Variants in PTPRS observed in about 807,000 individuals in gnomAD.
PTPRS encodes the protein protein tyrosine phosphatase receptor type S.
In PTPRS, 63 loss-of-function variants were observed where a neutral mutation model predicts 215.3. The ratio of observed to expected loss-of-function variants is 0.29; its 90% CI spans 0.24 to 0.36. The LOEUF is 0.36. Ranked by LOEUF, PTPRS falls within the 10% of genes least tolerant of loss-of-function variation. The probability of loss-of-function intolerance (pLI) is 1.00; values close to 1 mark genes in which losing one functional copy is unlikely to be tolerated. For synonymous variants in PTPRS, 1,404 were observed against 1,191.4 expected, an observed-to-expected ratio of 1.18 and a Z score of -3.68; for missense variants, 2,258 against 2,825.8, an observed-to-expected ratio of 0.80 and a Z score of 4.56.
chr19:5,263,099 A>T, intron 5 of PTPRS, 127 bp from the exon 6 acceptor site: 1 of 768,326 alleles, frequency 1.3e-6, no homozygotes, highest in East Asian at 2.8e-5. Flanking sequence ...GAATAATAAT[A>T]ACAACATTTC....
intron 14 of PTPRS, 92 bp from the exon 15 acceptor site, chr19:5,229,776 T>C: frequency 1.3e-6 from 1 of 798,794 alleles, no homozygotes; most frequent in Non-Finnish European, 1.7e-6. Flanking sequence ...GATTCCAGGA[T>C]GCCGAGTGGC....
intron 2 of PTPRS, among the ~76,000 whole-genome samples, chr19:5,282,329 G>C (rs1023132022): frequency 6.6e-5 from 10 of 152,114 alleles, no homozygotes; most frequent in Non-Finnish European, 1.2e-4. Flanking sequence ...AAAATGTCTT[G>C]CAAATGCTTG....
chr19:5,293,799 T>G lies in PTPRS; in HGVS notation c.-94-7565A>C, dbSNP rs577485120. The stretch of plus-strand genomic sequence containing the variant: ...CCCTCCCGCTGGGGGTCCAGGGGAA[T>G]GAATGGGGGGACACCGTGGCAGAGG... On this transcript the variant is annotated intron_variant, in intron 1 of 37. Coordinates refer to ENST00000262963, the MANE Select transcript of PTPRS (RefSeq NM_002850.4). The surrounding 1 kb of genome is among the most constrained non-coding windows in gnomAD (Gnocchi z 8.4). Among the ~76,000 whole-genome samples, 2 of 151,106 alleles carry G rather than the reference T, an allele frequency of 1.3e-5. No individual in the cohort carries two copies. Among genetic ancestry groups the G allele is most frequent in the East Asian group, 3.9e-4 (2 of 5,064 alleles).
intron 4 of PTPRS, among the ~76,000 whole-genome samples, chr19:5,269,921 CAAA>C (rs33953639): frequency 3.5e-4 from 29 of 82,626 alleles, no homozygotes; most frequent in African/African-American, 1.1e-3. Flanking sequence ...AACTCCATCT[CAAA>C]AAAAAAAAAA....
intron 1 of PTPRS, among the ~76,000 whole-genome samples, chr19:5,290,775 T>A (rs1291130323): frequency 6.6e-6 from 1 of 151,990 alleles, no homozygotes; most frequent in Non-Finnish European, 1.5e-5. Flanking sequence ...GAAAGACCCC[T>A]GACCCTGCAC....
At chr19:5,276,694 C>G (rs1318560146) in intron 2 of PTPRS, among the ~76,000 whole-genome samples, 3 of 152,132 alleles carry the variant, frequency 2.0e-5, no homozygotes, top group African/African-American at 7.2e-5. Context: ...ATGCCCGCCA[C>G]CATGCCCAGC....
rs61757815 is a variant in PTPRS at position 5,273,536 on chromosome 19, C to T, written c.285G>A (p.Pro95=). 5.4e-3 allele frequency: 8,740 copies of T among 1,614,092 alleles called. 417 individuals carry two copies. The African/African-American group carries it at 0.1, about 19-fold the overall frequency. ...CGTTTTCATCCCGCGGTGTCCTCAG[C>T]GGCTGGATCCTCAGCACTGCCCCTG... The part of the protein sequence containing the change: ...ESAGAVLRIQ[P]LRTPRDENVY... Residue 95 remains proline (P), a synonymous_variant, in exon 4 of 38, where the codon CCG becomes CCA. Transcript: ENST00000262963.
chr19:5,264,732 C>T (rs894352431), intron 5 of PTPRS, among the ~76,000 whole-genome samples: 1 of 152,186 alleles, frequency 6.6e-6, no homozygotes, highest in Non-Finnish European at 1.5e-5. Context: ...TTGTGCATGT[C>T]TGCATCCATT....
chr19:5,268,364 G>T (rs1361345958), intron 4 of PTPRS, among the ~76,000 whole-genome samples: 1 of 151,954 alleles, frequency 6.6e-6, no homozygotes, highest in African/African-American at 2.4e-5. Flanking sequence ...CTGCTTCCTG[G>T]CGTAGACAAT....
rs556521747 is a variant in PTPRS at position 5,295,514 on chromosome 19, G to A, written c.-94-9280C>T. ...CCCATCAGCACAGAGCCCTACATGC[G>A]CCTAGTCCCCGGGTCTGCCTCTCCC... On this transcript the variant is annotated intron_variant, in intron 1 of 37. Transcript: ENST00000262963. This position sits in a 1 kb window ranked among gnomAD's most constrained non-coding sequence, Gnocchi z 4.6. Among the ~76,000 whole-genome samples the A allele has an allele frequency of 1.3e-4, 20 of 152,078 alleles. No individual in the cohort carries two copies. The highest frequency in any genetic ancestry group is 2.6e-4 in the Non-Finnish European group (18 of 68,004).
At chr19:5,302,468 A>T (rs2049331387) in intron 1 of PTPRS, among the ~76,000 whole-genome samples, 1 of 152,190 alleles carries the variant, frequency 6.6e-6, no homozygotes, top group South Asian at 2.1e-4. Context: ...GACCCAAAAG[A>T]TTCTGCCCTG....
chr19:5,238,380 C>T (rs996997501), intron 13 of PTPRS, among the ~76,000 whole-genome samples: 1 of 152,184 alleles, frequency 6.6e-6, no homozygotes, highest in Admixed American at 6.5e-5. Context: ...TCCACCCCCT[C>T]CCCACCCTCG....
At chr19:5,309,158 G>A (rs1002661900) in intron 1 of PTPRS, among the ~76,000 whole-genome samples, 2 of 151,860 alleles carry the variant, frequency 1.3e-5, no homozygotes, top group South Asian at 2.1e-4. Flanking sequence ...GGGAGGAAGG[G>A]GGGGTTGGCT....
chr19:5,320,585 C>G (rs2050000417), intron 1 of PTPRS, among the ~76,000 whole-genome samples: 1 of 152,110 alleles, frequency 6.6e-6, no homozygotes, highest in Non-Finnish European at 1.5e-5. Context: ...CCATGCTGGG[C>G]TCTCATTTTT....
Position 5,295,748 on chromosome 19 carries a change from A to G in PTPRS, c.-94-9514T>C, listed in dbSNP as rs1330500257. On this transcript the variant is annotated intron_variant, in intron 1 of 37. Coordinates refer to ENST00000262963, the MANE Select transcript of PTPRS (RefSeq NM_002850.4). This position sits in a 1 kb window ranked among gnomAD's most constrained non-coding sequence, Gnocchi z 4.6. ...TGTCATAAAGCAGGCATCTTCACCT[A>G]CCCTTTTTTCAAGACAGGGTCTCGC... 6.6e-6 allele frequency among the ~76,000 whole-genome samples: 1 copy of G among 151,992 alleles called. No individual in the cohort carries two copies. The highest frequency in any genetic ancestry group is 1.9e-4 in the East Asian group (1 of 5,174).
intron 1 of PTPRS, among the ~76,000 whole-genome samples, chr19:5,310,292 A>C (rs570849744): frequency 6.7e-6 from 1 of 148,888 alleles, no homozygotes; most frequent in African/African-American, 2.5e-5. Context: ...CCTGCCACCA[A>C]CCAATTCCTC....
rs2045934807 is a variant in PTPRS at position 5,260,841 on chromosome 19, G to A, written c.578-19C>T. ...GTGCTTTCTGTAAGGGAAGCAGAGA[G>A]AACCAGGTGAATGTCACAAGGCGGT... On this transcript the variant is annotated intron_variant, in intron 6 of 37. Coordinates refer to ENST00000262963, the MANE Select transcript of PTPRS (RefSeq NM_002850.4). 6.2e-7 allele frequency: 1 copy of A among 1,610,788 alleles called. No homozygotes were observed. Among genetic ancestry groups the A allele is most frequent in the Admixed American group, 1.7e-5 (1 of 59,578 alleles).
intron 4 of PTPRS, 128 bp downstream of exon 4, chr19:5,273,314 G>A (rs1215434910): frequency 1.5e-6 from 2 of 1,317,976 alleles, no homozygotes; most frequent in Non-Finnish European, 1.1e-6. Context: ...GTTGGATAAG[G>A]GAGATCAAGG....
chr19:5,222,566 T>C (rs2042086578), intron 18 of PTPRS, 123 bp downstream of exon 18: 4 of 1,193,944 alleles, frequency 3.4e-6, no homozygotes, highest in African/African-American at 3.3e-5. Context: ...CGGACTTGCC[T>C]TGAGTGACCA....
Sources: gnomAD v4.1 joint callset for allele counts (sites outside exome capture counted in the v4.1 genomes callset) on GRCh38, gnomAD v4.1.1 for gene constraint, Gnocchi (gnomAD v3.1) non-coding constraint, MANE v1.5 for transcripts, NCBI Gene and HGNC (gene_info 2026-07-23, HGNC 2026-07-21) for gene names.